RSPO3: variants seen among roughly 807,000 people sequenced by gnomAD.
RSPO3 encodes R-spondin-3.
A neutral mutation model predicts 36.5 loss-of-function variants in RSPO3; 17 were observed. The ratio of observed to expected loss-of-function variants is 0.47; its 90% CI spans 0.32 to 0.70. The LOEUF (loss-of-function observed/expected upper bound fraction) is 0.70, where lower values mean the gene tolerates loss of function less well. Ranked by LOEUF, RSPO3 falls within the 30% of genes least tolerant of loss-of-function variation. The pLI is 0.04. For missense variants in RSPO3, 294 were observed against 322.5 expected, an observed-to-expected ratio of 0.91 and a Z score of 0.68; for synonymous variants, 108 against 107.0, an observed-to-expected ratio of 1.01 and a Z score of -0.06.
At chr6:127,120,801 G>A (rs1192098695) in intron 1 of RSPO3, among the ~76,000 whole-genome samples, 1 of 152,238 alleles carries the variant, frequency 6.6e-6, no homozygotes, top group African/African-American at 2.4e-5. Context: ...GGGCAGGAGA[G>A]CCCAAACTAA....
chr6:127,190,298 C>T (rs557229510), intron 4 of RSPO3, among the ~76,000 whole-genome samples: 11 of 151,936 alleles, frequency 7.2e-5, no homozygotes, highest in Non-Finnish European at 1.6e-4. Context: ...CACGGTGGCA[C>T]GCACCTGTAC....
intron 1 of RSPO3, among the ~76,000 whole-genome samples, chr6:127,128,224 G>A (rs1773980572): frequency 6.6e-6 from 1 of 152,022 alleles, no homozygotes; most frequent in Non-Finnish European, 1.5e-5. Context: ...CATAAAGTCT[G>A]TTATTTATAT....
At chr6:127,121,216 A>T (rs1773837876) in intron 1 of RSPO3, among the ~76,000 whole-genome samples, 1 of 152,198 alleles carries the variant, frequency 6.6e-6, no homozygotes, top group African/African-American at 2.4e-5. Context: ...CTGAAGGAAG[A>T]CACAGGAAAG....
intron 1 of RSPO3, among the ~76,000 whole-genome samples, chr6:127,135,640 A>T (rs1774140932): frequency 6.6e-6 from 1 of 151,686 alleles, no homozygotes; most frequent in African/African-American, 2.4e-5. Context: ...AGAAAAGCAC[A>T]TGTCGATTAG....
intron 4 of RSPO3, among the ~76,000 whole-genome samples, chr6:127,170,280 T>C (rs1430679391): frequency 6.6e-6 from 1 of 151,722 alleles, no homozygotes; most frequent in East Asian, 1.9e-4. Context: ...TCTGTTGAAA[T>C]TGCATGTAGA....
chr6:127,169,212 T>G (rs1308336147), intron 4 of RSPO3, among the ~76,000 whole-genome samples: 1 of 151,932 alleles, frequency 6.6e-6, no homozygotes. Context: ...ATCTGGGTTT[T>G]TTTTTTCTGT....
At chr6:127,166,309 T>G (rs1338606644) in intron 4 of RSPO3, among the ~76,000 whole-genome samples, 1 of 151,948 alleles carries the variant, frequency 6.6e-6, no homozygotes, top group African/African-American at 2.4e-5. Context: ...TAAAATTGTT[T>G]CCCATTTTTT....
Position 127,155,290 on chromosome 6 carries a change from G to A in RSPO3, c.486G>A (p.Lys162=), listed in dbSNP as rs1774570215. 5.0e-6 allele frequency: 8 copies of A among 1,613,816 alleles called. No individual in the cohort carries two copies. Among genetic ancestry groups the A allele is most frequent in the Admixed American group, 3.3e-5 (2 of 59,976 alleles). Residue 162 remains lysine (K), a synonymous_variant, in exon 4 of 5, where the codon AAG becomes AAA. Transcript: ENST00000356698. ...ATCCTTGGAGTCCATGCACGAAGAAGGGAAAAACATGTGGCTTCAAAAGAG... is the reference window on the plus strand; with the variant it reads ...ATCCTTGGAGTCCATGCACGAAGAAAGGAAAAACATGTGGCTTCAAAAGAG... ...EWNPWSPCTK[K]GKTCGFKRGT...
chr6:127,199,133 A>G lies in RSPO3; in HGVS notation c.*3126A>G, dbSNP rs73771632. On this transcript the variant is annotated 3_prime_UTR_variant, in exon 5 of 5. Coordinates refer to ENST00000356698, the MANE Select transcript of RSPO3 (RefSeq NM_032784.5). Reference sequence around the variant, plus strand: ...TTAGACAGCTTGTGTTAATGTCTCAATTCTGCTACTAACTGGTTGCAGCTT... The same window carrying G: ...TTAGACAGCTTGTGTTAATGTCTCAGTTCTGCTACTAACTGGTTGCAGCTT... Among the ~76,000 whole-genome samples, 816 of 152,344 alleles carry G rather than the reference A, an allele frequency of 5.4e-3. 8 individuals carry two copies. Among genetic ancestry groups the G allele is most frequent in the African/African-American group, 0.018 (742 of 41,580 alleles).
At chr6:127,143,871 G>A (rs549363822) in intron 1 of RSPO3, among the ~76,000 whole-genome samples, 24 of 152,282 alleles carry the variant, frequency 1.6e-4, no homozygotes, top group Admixed American at 1.2e-3. Flanking sequence ...AAAACAAGTA[G>A]CCAAAGGTTG....
chr6:127,197,525 T>C lies in RSPO3; in HGVS notation c.*1518T>C, dbSNP rs1212281675. On this transcript the variant is annotated 3_prime_UTR_variant, in exon 5 of 5. Coordinates refer to ENST00000356698, the MANE Select transcript of RSPO3 (RefSeq NM_032784.5). ...GTATCTCTGAGTGTGCAGCACAGAA[T>C]CGCATGACCCACCTTAACCTTCCTG... The C allele has an allele frequency of 2.6e-6, 4 of 1,550,262 alleles. No individual in the cohort carries two copies. Among genetic ancestry groups the C allele is most frequent in the Non-Finnish European group, 3.5e-6 (4 of 1,146,910 alleles).
In RSPO3 at chr6:127,134,981, A is replaced by G. The variant is rs137877881; in HGVS notation, c.98-13667A>G. Among the ~76,000 whole-genome samples, 745 of 152,334 alleles carry G rather than the reference A, an allele frequency of 4.9e-3. 9 individuals are homozygous for G. Among genetic ancestry groups the G allele is most frequent in the African/African-American group, 0.017 (710 of 41,572 alleles). ...GAGGAGGTTTAAATGAGAAATAGTT[A>G]TCTTTGCAACTGAGATGGAACTACT... is the stretch of plus-strand genomic sequence containing the variant. On this transcript the variant is annotated intron_variant, in intron 1 of 4. Transcript: ENST00000356698.
intron 1 of RSPO3, among the ~76,000 whole-genome samples, chr6:127,146,315 A>G (rs1216381600): frequency 2.6e-5 from 4 of 152,118 alleles, no homozygotes; most frequent in Non-Finnish European, 5.9e-5. Flanking sequence ...AAAAAGGTAA[A>G]AAGAATTATT....
chr6:127,191,937 A>T (rs529898156), intron 4 of RSPO3, among the ~76,000 whole-genome samples: 1 of 152,302 alleles, frequency 6.6e-6, no homozygotes, highest in Admixed American at 6.5e-5. Context: ...ACTCTGATCA[A>T]ACCAAGGAAG....
chr6:127,131,965 A>G (rs769796035), intron 1 of RSPO3, among the ~76,000 whole-genome samples: 7 of 152,148 alleles, frequency 4.6e-5, no homozygotes, highest in Non-Finnish European at 8.8e-5. Context: ...AATAAACTAA[A>G]GTGGCTGTTC....
intron 4 of RSPO3, among the ~76,000 whole-genome samples, chr6:127,181,826 G>C (rs1229606215): frequency 1.3e-5 from 2 of 151,814 alleles, no homozygotes; most frequent in Non-Finnish European, 2.9e-5. Flanking sequence ...CTTATATACA[G>C]TCATTGATCA....
At chr6:127,153,540 G>C (rs941279478) in intron 3 of RSPO3, among the ~76,000 whole-genome samples, 1 of 151,966 alleles carries the variant, frequency 6.6e-6, no homozygotes, top group African/African-American at 2.4e-5. Flanking sequence ...GTTGTCCGTA[G>C]AATTTAATTT....
At chr6:127,141,757 G>A (rs1301228146) in intron 1 of RSPO3, among the ~76,000 whole-genome samples, 1 of 152,118 alleles carries the variant, frequency 6.6e-6, no homozygotes, top group African/African-American at 2.4e-5. Context: ...TATCCTAGCT[G>A]TTAAAGTTCA....
rs772308847 is a variant in RSPO3, at chr6:127,195,950, G to T, written c.762G>T (p.Gln254His). 8 of 1,613,092 alleles carry T rather than the reference G, an allele frequency of 5.0e-6. No homozygotes were observed. The highest frequency in any genetic ancestry group is 6.8e-6 in the Non-Finnish European group (8 of 1,179,286). ...AGCAACGAGAAAACAAACAGCAGCA[G>T]AAGAAGCGAAAAGTCCAAGATAAAC... is the stretch of plus-strand genomic sequence containing the variant. ...IPEQRENKQQ[Q>H]KKRKVQDKQK... Residue 254 changes from glutamine (Q) to histidine (H), a missense_variant, in exon 5 of 5, where the codon CAG (glutamine) becomes CAT (histidine). This residue lies in a region of RSPO3 where 190 missense variants were observed against 185.2 expected (regional missense o/e 1.03). Transcript: ENST00000356698.
Sources: gnomAD v4.1 joint callset for allele counts (sites outside exome capture counted in the v4.1 genomes callset) on GRCh38, gnomAD v4.1.1 for gene constraint, gnomAD v4.1.1 regional missense constraint, MANE v1.5 for transcripts, NCBI Gene and HGNC (gene_info 2026-07-23, HGNC 2026-07-21) for gene names.